Variants in PLEKHA7 observed in about 807,000 individuals in gnomAD.
PLEKHA7 encodes pleckstrin homology domain-containing family A member 7.
Under a neutral mutation model 170.0 loss-of-function variants are expected in PLEKHA7, and 104 were observed. That is an observed-to-expected ratio of 0.61 (90% CI 0.52 to 0.72). PLEKHA7 has a LOEUF of 0.72. PLEKHA7 is among the 30% of genes least tolerant of loss of function. PLEKHA7 has a pLI of 0.00. For missense variants in PLEKHA7, 1,615 were observed against 1,671.7 expected, an observed-to-expected ratio of 0.97 and a Z score of 0.59; for synonymous variants, 648 against 660.8, an observed-to-expected ratio of 0.98 and a Z score of 0.30.
chr11:16,857,920 T>C (rs910892282), intron 4 of PLEKHA7, among the ~76,000 whole-genome samples: 1 of 152,216 alleles, frequency 6.6e-6, no homozygotes, highest in African/African-American at 2.4e-5. Flanking sequence ...GGTTTCACCA[T>C]GTTGGCCAGG....
At chr11:16,897,984 C>T (rs1857103766) in intron 3 of PLEKHA7, among the ~76,000 whole-genome samples, 2 of 152,146 alleles carry the variant, frequency 1.3e-5, no homozygotes, top group South Asian at 4.1e-4. Flanking sequence ...CTTCCTTCCT[C>T]TATGGCAAAG....
At chr11:16,781,751 TG>T (rs1849037102) in intron 26 of PLEKHA7, among the ~76,000 whole-genome samples, 1 of 152,144 alleles carries the variant, frequency 6.6e-6, no homozygotes, top group Non-Finnish European at 1.5e-5. Context: ...AGCAAAGCTC[TG>T]ATCTCCAGAC....
chr11:16,802,206 G>C (rs889045410), intron 15 of PLEKHA7, among the ~76,000 whole-genome samples: 5 of 152,186 alleles, frequency 3.3e-5, no homozygotes. Context: ...AAATGCAAAA[G>C]GAAAAAAATA....
rs34851996 is a variant in PLEKHA7 at position 17,009,625 on chromosome 11, T to TTTTATTTATTTA, written c.221+4352_221+4363dup. Among the ~76,000 whole-genome samples the TTTTATTTATTTA allele has an allele frequency of 3.6e-3, 539 of 149,224 alleles. 1 individual carries two copies. The highest frequency in any genetic ancestry group is 0.012 in the African/African-American group (490 of 40,490). On this transcript the variant is annotated intron_variant, in intron 3 of 26. Coordinates refer to ENST00000531066, the MANE Select transcript of PLEKHA7 (RefSeq NM_001329630.2). ...AGTGCTAGAGTACAAAAAGTCTTCG[T>TTTTATTTATTTA]TTTATTTATTTATTTATTTATTTAT...
At chr11:16,782,459 C>A (rs1406726829) in intron 26 of PLEKHA7, among the ~76,000 whole-genome samples, 1 of 152,198 alleles carries the variant, frequency 6.6e-6, no homozygotes, top group East Asian at 1.9e-4. Flanking sequence ...AGCTCATAGT[C>A]TCAGAGGAAG....
intron 3 of PLEKHA7, among the ~76,000 whole-genome samples, chr11:16,981,220 TTA>T (rs1863408335): frequency 6.6e-6 from 1 of 152,208 alleles, no homozygotes. Context: ...ATGGAGGCTC[TTA>T]TCAGGTGTTT....
At chr11:16,780,694 T>C (rs1389588642) in intron 26 of PLEKHA7, among the ~76,000 whole-genome samples, 2 of 152,170 alleles carry the variant, frequency 1.3e-5, no homozygotes, top group Non-Finnish European at 2.9e-5. Context: ...TTCTAGAGAT[T>C]TCATGGAGGC....
Position 16,854,934 on chromosome 11 carries a change from C to A in PLEKHA7, c.477G>T (p.Arg159Ser), listed in dbSNP as rs1329893266. 2 of 1,614,106 alleles carry A rather than the reference C, an allele frequency of 1.2e-6. No individual in the cohort carries two copies. The highest frequency in any genetic ancestry group is 1.7e-6 in the Non-Finnish European group (2 of 1,180,008). The change falls in exon 6 of 27, where the codon AGG becomes AGT. Residue 159 changes from arginine (R) to serine (S), a missense_variant. Arg to Ser is a moderately radical substitution (Grantham distance 110). Transcript: ENST00000531066. ...SFGKRDQAIR[R>S]NPNVPVVVRG... ...TCACCACCACGGGAACATTGGGGTT[C>A]CTCCGAATGGCCTGGTCTCTCTTCC...
intron 3 of PLEKHA7, among the ~76,000 whole-genome samples, chr11:16,873,269 T>A (rs974073686): frequency 6.6e-6 from 1 of 152,208 alleles, no homozygotes; most frequent in African/African-American, 2.4e-5. Context: ...GCCTACAAAG[T>A]CTTTTTTTAC....
Position 16,817,250 on chromosome 11 carries a change from A to G in PLEKHA7, c.1416T>C (p.Thr472=), listed in dbSNP as rs1034939812. 3 of 1,613,794 alleles carry G rather than the reference A, an allele frequency of 1.9e-6. No homozygotes were observed. Among genetic ancestry groups the G allele is most frequent in the Non-Finnish European group, 2.5e-6 (3 of 1,180,004 alleles). Residue 472 remains threonine (T), a synonymous_variant, in exon 11 of 27, where the codon ACT becomes ACC. Coordinates refer to ENST00000531066, the MANE Select transcript of PLEKHA7 (RefSeq NM_001329630.2). The surrounding 1 kb of genome is among the most constrained non-coding windows in gnomAD (Gnocchi z 4.4). ...AGGGGTGTCGGGTGCTCTTGGGAAGAGTCTGGTAGTTTTCTGGGAAGGACA... is the reference window on the plus strand; with the variant it reads ...AGGGGTGTCGGGTGCTCTTGGGAAGGGTCTGGTAGTTTTCTGGGAAGGACA... The part of the protein sequence containing the change: ...QSLSFPENYQ[T]LPKSTRHPSG...
At chr11:16,965,438 A>G (rs1862315579) in intron 3 of PLEKHA7, among the ~76,000 whole-genome samples, 1 of 152,126 alleles carries the variant, frequency 6.6e-6, no homozygotes, top group Admixed American at 6.5e-5. Context: ...TATCTGGGGG[A>G]AATAACTCAC....
At chr11:16,866,045 G>T (rs1318510443) in intron 4 of PLEKHA7, among the ~76,000 whole-genome samples, 6 of 151,492 alleles carry the variant, frequency 4.0e-5, no homozygotes, top group Admixed American at 3.9e-4. Context: ...CATTGTGTTA[G>T]GCAGGGTGGT....
At chr11:16,879,390 G>T (rs763223131) in intron 3 of PLEKHA7, among the ~76,000 whole-genome samples, 2 of 152,100 alleles carry the variant, frequency 1.3e-5, no homozygotes, top group Non-Finnish European at 2.9e-5. Flanking sequence ...GTGCAGAACC[G>T]ATGTCATTTT....
At chr11:16,935,496 CT>C (rs1440651330) in intron 3 of PLEKHA7, among the ~76,000 whole-genome samples, 10 of 152,188 alleles carry the variant, frequency 6.6e-5, no homozygotes, top group Non-Finnish European at 1.0e-4. Context: ...CACTGCTATT[CT>C]CTGGTGTCCT....
intron 8 of PLEKHA7, among the ~76,000 whole-genome samples, chr11:16,847,123 G>A (rs1164134506): frequency 3.3e-5 from 4 of 121,522 alleles, no homozygotes; most frequent in Non-Finnish European, 6.5e-5. Flanking sequence ...TTGAGACGGA[G>A]TCTTGCTCTG....
chr11:16,900,775 C>A (rs916892850), intron 3 of PLEKHA7, among the ~76,000 whole-genome samples: 5 of 151,934 alleles, frequency 3.3e-5, no homozygotes, highest in African/African-American at 9.7e-5. Context: ...TTTTTTCCCC[C>A]AAAAAATCTT....
chr11:16,992,035 T>C (rs1167832885), intron 3 of PLEKHA7, among the ~76,000 whole-genome samples: 1 of 151,968 alleles, frequency 6.6e-6, no homozygotes, highest in Non-Finnish European at 1.5e-5. Flanking sequence ...CAGATGCTGG[T>C]ACTGGGTAGG....
At chr11:16,807,199 T>C (rs945839046) in intron 13 of PLEKHA7, 1 of 985,310 alleles carries the variant, frequency 1.0e-6, no homozygotes, top group Admixed American at 6.1e-5. Context: ...GTAAAGCACG[T>C]TGATCAAAGG....
At chr11:16,871,215 C>T (rs1263726301) in intron 3 of PLEKHA7, 33 bp from the exon 4 acceptor site, 10 of 1,526,310 alleles carry the variant, frequency 6.6e-6, no homozygotes, top group African/African-American at 1.4e-5. Flanking sequence ...GATGAGAATT[C>T]GTGTGAATGG....
Sources: allele counts gnomAD v4.1 joint callset (sites outside exome capture counted in the v4.1 genomes callset), GRCh38; gene constraint gnomAD v4.1.1; non-coding constraint Gnocchi (gnomAD v3.1); transcripts MANE v1.5; gene names NCBI Gene and HGNC (gene_info 2026-07-23, HGNC 2026-07-21).